Variants in FYB2 observed in about 807,000 individuals in gnomAD.
FYB2 encodes FYN binding protein 2, also known as FYN-binding protein 2.
In FYB2, 103 loss-of-function variants were observed where a neutral mutation model predicts 94.1. The observed-to-expected ratio is 1.09, with a 90% confidence interval of 0.93 to 1.29. FYB2 has a LOEUF of 1.29. Ranked by LOEUF, FYB2 falls within the 50% of genes most tolerant of loss-of-function variation. FYB2 has a pLI of 0.00. For missense variants in FYB2, 896 were observed against 841.5 expected, an observed-to-expected ratio of 1.06 and a Z score of -0.80; for synonymous variants, 293 against 287.9, an observed-to-expected ratio of 1.02 and a Z score of -0.18.
At chr1:56,796,901 T>A (rs1646413266) in intron 1 of FYB2, among the ~76,000 whole-genome samples, 1 of 152,226 alleles carries the variant, frequency 6.6e-6, no homozygotes, top group Non-Finnish European at 1.5e-5. Flanking sequence ...GTTGGTTGCC[T>A]ACTATGCACT....
chr1:56,741,119 A>T (rs1644942955), intron 12 of FYB2, among the ~76,000 whole-genome samples: 1 of 152,114 alleles, frequency 6.6e-6, no homozygotes, highest in South Asian at 2.1e-4. Context: ...GTCCATAAAA[A>T]AAATAAAGAA....
At chr1:56,742,255 T>C in intron 11 of FYB2, 34 bp from the exon 12 acceptor site, 1 of 1,463,464 alleles carries the variant, frequency 6.8e-7, no homozygotes. Context: ...TTATATTCAT[T>C]ATAATAGCAA....
intron 1 of FYB2, among the ~76,000 whole-genome samples, chr1:56,801,242 C>G (rs572470715): frequency 7.9e-5 from 12 of 152,288 alleles, no homozygotes; most frequent in African/African-American, 2.9e-4. Context: ...TTCCACTCTC[C>G]TCTATTCCTG....
chr1:56,779,535 C>G (rs550060586), intron 4 of FYB2, among the ~76,000 whole-genome samples: 1 of 152,088 alleles, frequency 6.6e-6, no homozygotes, highest in South Asian at 2.1e-4. Flanking sequence ...CTTTAATATT[C>G]GAGGGATATA....
At position 56,819,370 on chromosome 1, in the gene FYB2, CTG is replaced by C; in HGVS notation, c.-82_-81del. On this transcript the variant is annotated 5_prime_UTR_variant, in exon 1 of 20. Coordinates refer to ENST00000343433, the MANE Select transcript of FYB2 (RefSeq NM_001004303.5). ...CCTGGGGCCAACAATCCGCTTTCCT[CTG>C]TCTCTGCTAGCCAGGGAGCAATCAC... The C allele has an allele frequency of 6.3e-7, 1 of 1,582,134 alleles. No individual in the cohort carries two copies. The highest frequency in any genetic ancestry group is 8.7e-7 in the Non-Finnish European group (1 of 1,153,070).
In FYB2 at chr1:56,738,605, A is replaced by C; in HGVS notation, c.1732+20T>G. ...CAAAAGCTGAGTACTTTTGGTCTGC[A>C]ATAAGCAAATGGCACTTACCTAAAT... is the stretch of plus-strand genomic sequence containing the variant. On this transcript the variant is annotated intron_variant, in intron 14 of 19. Coordinates refer to ENST00000343433, the MANE Select transcript of FYB2 (RefSeq NM_001004303.5). The C allele has an allele frequency of 6.2e-7, 1 of 1,606,450 alleles. No individual in the cohort carries two copies. Among genetic ancestry groups the C allele is most frequent in the South Asian group, 1.1e-5 (1 of 89,900 alleles).
chr1:56,728,724 C>A (rs1029891439), intron 15 of FYB2, among the ~76,000 whole-genome samples: 2 of 152,080 alleles, frequency 1.3e-5, no homozygotes, highest in Non-Finnish European at 1.5e-5. Flanking sequence ...TACTTTAAAA[C>A]CCCTACCATC....
chr1:56,808,366 G>A (rs1646692857), intron 1 of FYB2, among the ~76,000 whole-genome samples: 1 of 152,180 alleles, frequency 6.6e-6, no homozygotes, highest in South Asian at 2.1e-4. Flanking sequence ...GTGTTTGAAA[G>A]ACCCTTTATC....
rs1230209845 is a variant in FYB2, at chr1:56,753,822, C to A, written c.1227+17G>T. On this transcript the variant is annotated intron_variant, in intron 8 of 19. Coordinates refer to ENST00000343433, the MANE Select transcript of FYB2 (RefSeq NM_001004303.5). ...CTGTTATATGTCTAAACTGCAGGAACCGTAGAACATAGGTACCTTGAAAAC... is the reference window on the plus strand; with the variant it reads ...CTGTTATATGTCTAAACTGCAGGAAACGTAGAACATAGGTACCTTGAAAAC... The A allele has an allele frequency of 3.2e-6, 5 of 1,558,046 alleles. No homozygotes were observed. In the African/African-American group the frequency reaches 6.8e-5, roughly 21 times the overall value.
intron 6 of FYB2, among the ~76,000 whole-genome samples, chr1:56,756,350 G>A (rs148810348): frequency 2.3e-3 from 345 of 152,224 alleles, no homozygotes; most frequent in African/African-American, 7.9e-3. Flanking sequence ...CATGTGCCCT[G>A]TGATCACCGC....
At chr1:56,729,753 C>A (rs1051579547) in intron 15 of FYB2, among the ~76,000 whole-genome samples, 1 of 152,066 alleles carries the variant, frequency 6.6e-6, no homozygotes, top group Non-Finnish European at 1.5e-5. Flanking sequence ...ATTAATGGAA[C>A]ATTCTCCAGA....
At chr1:56,751,243 C>T (rs369063381) in intron 8 of FYB2, 40 bp from the exon 9 acceptor site, 43 of 1,584,220 alleles carry the variant, frequency 2.7e-5, no homozygotes, top group Non-Finnish European at 3.6e-5. Flanking sequence ...AGGGCTGTGA[C>T]TTACCTAATC....
intron 12 of FYB2, among the ~76,000 whole-genome samples, chr1:56,741,515 G>T (rs1009277309): frequency 3.3e-5 from 5 of 151,940 alleles, no homozygotes; most frequent in Admixed American, 6.6e-5. Flanking sequence ...GGGGCCTTTA[G>T]GGGGTAGAGT....
chr1:56,761,939 T>C (rs1315467309), intron 5 of FYB2: 1 of 152,202 alleles, frequency 6.6e-6, no homozygotes. Context: ...TTTATTTTCG[T>C]TTACCTATGG....
intron 1 of FYB2, among the ~76,000 whole-genome samples, chr1:56,805,688 G>A (rs1646629572): frequency 6.6e-6 from 1 of 152,130 alleles, no homozygotes; most frequent in Non-Finnish European, 1.5e-5. Context: ...CCCAGTGGGA[G>A]GTAATTGAAT....
intron 5 of FYB2, among the ~76,000 whole-genome samples, chr1:56,763,271 A>G (rs1036758547): frequency 6.6e-6 from 1 of 152,172 alleles, no homozygotes. Flanking sequence ...TCATGGTAAT[A>G]CTAGCTTTAA....
chr1:56,825,346 T>G, the FYB2 span, among the ~76,000 whole-genome samples: 1 of 152,096 alleles, frequency 6.6e-6, no homozygotes, highest in Non-Finnish European at 1.5e-5. Context: ...AAGAGTGCTA[T>G]AAACAAGCAA....
chr1:56,740,905 GCTA>G, intron 12 of FYB2, 110 bp from the exon 13 acceptor site: 1 of 655,610 alleles, frequency 1.5e-6, no homozygotes, highest in Non-Finnish European at 2.5e-6. Flanking sequence ...GTAAGTGGGA[GCTA>G]AACAATAGGT....
intron 8 of FYB2, among the ~76,000 whole-genome samples, chr1:56,751,834 T>C (rs985861643): frequency 6.6e-5 from 10 of 152,032 alleles, no homozygotes; most frequent in Non-Finnish European, 1.3e-4. Context: ...ATGCAAATGA[T>C]TAATTAGGGT....
Sources: allele counts gnomAD v4.1 joint callset (sites outside exome capture counted in the v4.1 genomes callset), GRCh38; gene constraint gnomAD v4.1.1; transcripts MANE v1.5; gene names NCBI Gene and HGNC (gene_info 2026-07-23, HGNC 2026-07-21).